The following SNRPE variants were observed in gnomAD, a reference collection of about 807,000 sequenced individuals.
SNRPE encodes the protein small nuclear ribonucleoprotein polypeptide E.
For missense variants in SNRPE, 53 were observed against 111.6 expected (o/e 0.48, Z 2.36); for synonymous variants, 35 against 36.7 (o/e 0.95, Z 0.17).
Position 203,870,243 on chromosome 1 carries a change from G to C in SNRPE, c.*311G>C, listed in dbSNP as rs1047750865. 2 of 218,256 alleles carry C rather than the reference G, an allele frequency of 9.2e-6. No individual in the cohort carries two copies. Among genetic ancestry groups the C allele is most frequent in the Non-Finnish European group, 1.8e-5 (2 of 111,638 alleles). The allele number at this position is 218,256 out of a possible 1,614,324, so 13.5% of individuals were successfully genotyped here. A position where few individuals can be genotyped will look rare whatever the true frequency, so the allele number is the denominator to read the frequency against. ...TTGAGGCAGATTAGGAATTCTGCCTGATGGGTAAGCTTCCAGTATTGGGAG... is the reference window on the plus strand; with the variant it reads ...TTGAGGCAGATTAGGAATTCTGCCTCATGGGTAAGCTTCCAGTATTGGGAG... On this transcript the variant is annotated 3_prime_UTR_variant, in exon 5 of 5. Transcript: ENST00000414487.
intron 4 of SNRPE, among the ~76,000 whole-genome samples, chr1:203,868,539 C>G (rs1051023441): frequency 6.6e-6 from 1 of 152,082 alleles, no homozygotes; most frequent in African/African-American, 2.4e-5. Context: ...TCTTTCAGAC[C>G]CTCAGGATTC....
intron 3 of SNRPE, 74 bp from the exon 4 acceptor site, chr1:203,864,967 C>A (rs1572404155): frequency 5.3e-6 from 7 of 1,328,024 alleles, no homozygotes; most frequent in Non-Finnish European, 5.0e-6. Flanking sequence ...GAGTTTTTAT[C>A]TGCATAGGTA....
At chr1:203,865,225 A>T in intron 4 of SNRPE, 106 bp downstream of exon 4, 1 of 1,052,780 alleles carries the variant, frequency 9.5e-7, no homozygotes, top group Non-Finnish European at 1.4e-6. Flanking sequence ...GCATTTGAGA[A>T]GTTATTATTC....
intron 2 of SNRPE, 122 bp from the exon 3 acceptor site, chr1:203,863,541 T>C (rs964631638): frequency 1.6e-5 from 11 of 700,654 alleles, no homozygotes; most frequent in Non-Finnish European, 2.6e-5. Flanking sequence ...GGATGGTCTC[T>C]ATCTCTTGAC....
chr1:203,869,141 CTGT>C (rs1392324261), intron 4 of SNRPE, among the ~76,000 whole-genome samples: 1 of 152,190 alleles, frequency 6.6e-6, no homozygotes, highest in Non-Finnish European at 1.5e-5. Flanking sequence ...AGTTTAATTA[CTGT>C]TGGAGTTGAT....
Position 203,870,595 on chromosome 1 carries a change from G to A in SNRPE, c.*663G>A, listed in dbSNP as rs1188053131. ...AAAGGACCACAAGCATAGCTGGTAG[G>A]CAAATTGTTAGGCAGAATAATGGTA... On this transcript the variant is annotated 3_prime_UTR_variant, in exon 5 of 5. Transcript: ENST00000414487. 2 of 152,218 alleles carry A rather than the reference G, an allele frequency of 1.3e-5. No homozygotes were observed. The highest frequency in any genetic ancestry group is 4.8e-5 in the African/African-American group (2 of 41,448). 9.4% of individuals were successfully genotyped at this position (152,218 alleles called of 1,614,324 possible). A position where few individuals can be genotyped will look rare whatever the true frequency, so the allele number is the denominator to read the frequency against.
At chr1:203,868,776 T>G (rs1690147621) in intron 4 of SNRPE, among the ~76,000 whole-genome samples, 1 of 151,338 alleles carries the variant, frequency 6.6e-6, no homozygotes, top group Non-Finnish European at 1.5e-5. Flanking sequence ...TTCAAGCGAT[T>G]CTCCTGCCTC....
At chr1:203,864,731 G>C (rs1326744776) in intron 3 of SNRPE, among the ~76,000 whole-genome samples, 1 of 152,048 alleles carries the variant, frequency 6.6e-6, no homozygotes, top group Non-Finnish European at 1.5e-5. Flanking sequence ...ACAAAAAGTA[G>C]CCAGGCATGG....
chr1:203,866,922 A>G (rs138599721), intron 4 of SNRPE, among the ~76,000 whole-genome samples: 133 of 149,760 alleles, frequency 8.9e-4, no homozygotes, highest in Middle Eastern at 3.4e-3. Context: ...TAATCTTTGT[A>G]TATGATATTC....
intron 4 of SNRPE, among the ~76,000 whole-genome samples, chr1:203,867,042 G>A (rs35843897): frequency 0.042 from 6,301 of 150,602 alleles, 243 homozygotes; most frequent in Non-Finnish European, 0.064. Context: ...AGGCCGAGGC[G>A]GGTGGATTAC....
At position 203,865,049 on chromosome 1, in the gene SNRPE, T is replaced by C; in HGVS notation, c.153T>C (p.Asp51=). Residue 51 remains aspartate, a synonymous_variant, in exon 4 of 5, where the codon GAT becomes GAC. Coordinates refer to ENST00000414487, the MANE Select transcript of SNRPE (RefSeq NM_003094.4). ...MRIEGCIIGF[D]EYMNLVLDDA... ...TTTGTTTATTTTTCTAGGGTTTTGA[T>C]GAGTATATGAACCTTGTATTAGATG... is the stretch of plus-strand genomic sequence containing the variant. 1 of 1,605,682 alleles carries C rather than the reference T, an allele frequency of 6.2e-7. No homozygotes were observed. Among genetic ancestry groups the C allele is most frequent in the Non-Finnish European group, 8.5e-7 (1 of 1,177,736 alleles).
chr1:203,867,149 G>A (rs1249511689), intron 4 of SNRPE, among the ~76,000 whole-genome samples: 1 of 150,462 alleles, frequency 6.6e-6, no homozygotes, highest in African/African-American at 2.5e-5. Context: ...GCATGGTGGC[G>A]GGTGCCTGTA....
intron 4 of SNRPE, among the ~76,000 whole-genome samples, chr1:203,868,901 T>G (rs892589781): frequency 1.3e-5 from 2 of 152,160 alleles, no homozygotes; most frequent in Non-Finnish European, 2.9e-5. Context: ...AATCCTAAGC[T>G]CAGGCATTCC....
At chr1:203,867,251 GC>G (rs1309216357) in intron 4 of SNRPE, among the ~76,000 whole-genome samples, 38 of 146,830 alleles carry the variant, frequency 2.6e-4, no homozygotes, top group Non-Finnish European at 5.2e-4. Flanking sequence ...CTGCGCTCCA[GC>G]CTGGGCGACA....
intron 2 of SNRPE, among the ~76,000 whole-genome samples, chr1:203,862,577 A>G (rs1340100422): frequency 6.6e-6 from 1 of 152,224 alleles, no homozygotes; most frequent in Non-Finnish European, 1.5e-5. Context: ...AGGATGAAAC[A>G]TTGGAAGAAA....
rs143754472 is a variant in SNRPE at position 203,865,918 on chromosome 1, T to G, written c.223+799T>G. Among the ~76,000 whole-genome samples the G allele has an allele frequency of 3.5e-3, 530 of 152,312 alleles. 1 individual carries two copies. Among genetic ancestry groups the G allele is most frequent in the Non-Finnish European group, 3.4e-3 (232 of 68,034 alleles). ...GGCATATAGGAAGGGATGCGAAGCT[T>G]TTGTGCCCTCTGCAAGCTCACCACT... On this transcript the variant is annotated intron_variant, in intron 4 of 4. Transcript: ENST00000414487.
intron 3 of SNRPE, among the ~76,000 whole-genome samples, chr1:203,864,151 ACTG>A (rs1690038109): frequency 6.6e-6 from 1 of 152,016 alleles, no homozygotes; most frequent in Non-Finnish European, 1.5e-5. Context: ...ATGAGGTCTC[ACTG>A]TGTTGCCCAG....
chr1:203,864,975 G>A (rs1690059128), intron 3 of SNRPE, 66 bp from the exon 4 acceptor site: 2 of 1,529,540 alleles, frequency 1.3e-6, no homozygotes, highest in African/African-American at 1.4e-5. Context: ...ATCTGCATAG[G>A]TATACTCATT....
chr1:203,862,744 G>A (rs1690002700), intron 2 of SNRPE, among the ~76,000 whole-genome samples: 1 of 152,164 alleles, frequency 6.6e-6, no homozygotes, highest in Non-Finnish European at 1.5e-5. Flanking sequence ...ATTTTATAGT[G>A]TGATAACACA....
Sources: allele counts gnomAD v4.1 joint callset (sites outside exome capture counted in the v4.1 genomes callset), GRCh38; gene constraint gnomAD v4.1.1; transcripts MANE v1.5; gene names NCBI Gene and HGNC (gene_info 2026-07-23, HGNC 2026-07-21).